The following MYOF variants were observed in gnomAD, a reference collection of about 807,000 sequenced individuals.
MYOF encodes the protein myoferlin, also known as fer-1-like 3, myoferlin.
Under a neutral mutation model 284.2 loss-of-function variants are expected in MYOF, and 244 were observed. That is an observed-to-expected ratio of 0.86 (90% confidence interval 0.77 to 0.95). The LOEUF is 0.95. Among genes scored for constraint, MYOF ranks in the 40% least tolerant of loss-of-function variants. The probability of loss-of-function intolerance (pLI) is 0.00; values close to 1 mark genes in which losing one functional copy is unlikely to be tolerated. For missense variants in MYOF, 2,496 were observed against 2,560.6 expected (o/e 0.97, Z 0.54); for synonymous variants, 904 against 919.7 (o/e 0.98, Z 0.31).
At chr10:93,465,528 T>TC (rs1554872991) in intron 1 of MYOF, among the ~76,000 whole-genome samples, 27 of 105,072 alleles carry the variant, frequency 2.6e-4, no homozygotes, top group African/African-American at 8.2e-4. Context: ...TTCTTTCTTT[T>TC]TTTTCTTTTC....
rs1256619015 is a variant in MYOF, at chr10:93,340,173, G to A, written c.4327-9C>T. 2 of 1,613,980 alleles carry A rather than the reference G, an allele frequency of 1.2e-6. No individual in the cohort carries two copies. Among genetic ancestry groups the A allele is most frequent in the South Asian group, 2.2e-5 (2 of 91,058 alleles). On this transcript the variant is annotated splice_polypyrimidine_tract_variant and intron_variant, in intron 38 of 53. Transcript: ENST00000359263. Reference sequence around the variant, plus strand: ...GTTACCTTTTCTGTCAGCTGCTCGTGCACATGTCCCGTGAGGAAGAGGGCA... The same window carrying A: ...GTTACCTTTTCTGTCAGCTGCTCGTACACATGTCCCGTGAGGAAGAGGGCA...
At chr10:93,420,056 C>A (rs759779180) in intron 5 of MYOF, among the ~76,000 whole-genome samples, 1 of 151,988 alleles carries the variant, frequency 6.6e-6, no homozygotes, top group Non-Finnish European at 1.5e-5. Flanking sequence ...TCCCTTGAAC[C>A]CAGGAGGTAG....
At chr10:93,379,540 G>A (rs116548892) in intron 21 of MYOF, among the ~76,000 whole-genome samples, 226 of 152,246 alleles carry the variant, frequency 1.5e-3, no homozygotes, top group African/African-American at 5.2e-3. Context: ...CAAGAGAAAG[G>A]CCTATGTCAT....
chr10:93,316,043 C>T (rs1041580687), intron 50 of MYOF, among the ~76,000 whole-genome samples: 6 of 151,790 alleles, frequency 4.0e-5, no homozygotes, highest in South Asian at 2.1e-4. Flanking sequence ...AAGGATTTCT[C>T]GAACCCAGGA....
chr10:93,353,707 A>G (rs1197412203), intron 32 of MYOF, 104 bp downstream of exon 32: 31 of 916,612 alleles, frequency 3.4e-5, no homozygotes, highest in Non-Finnish European at 4.8e-5. Context: ...CAACATGTAA[A>G]GGGTTTTTGT....
chr10:93,362,662 T>C (rs984331293), intron 27 of MYOF, among the ~76,000 whole-genome samples: 6 of 152,070 alleles, frequency 3.9e-5, no homozygotes, highest in Non-Finnish European at 8.8e-5. Context: ...AAGAGAGTTA[T>C]GAAAAGAAAG....
chr10:93,481,665 C>G lies in MYOF; in HGVS notation c.88+442G>C, dbSNP rs1022751203. Among the ~76,000 whole-genome samples the G allele has an allele frequency of 3.3e-5, 5 of 152,308 alleles. No homozygotes were observed. The East Asian group carries it at 9.6e-4, about 29-fold the overall frequency. Reference sequence around the variant, plus strand: ...CTTCACCCATCCCACCTCCCAGAAACCCAGTGACAATCAAAGCAGCGTCAG... The same window carrying G: ...CTTCACCCATCCCACCTCCCAGAAAGCCAGTGACAATCAAAGCAGCGTCAG... On this transcript the variant is annotated intron_variant, in intron 1 of 53. Transcript: ENST00000359263.
In MYOF at chr10:93,401,449, C is replaced by A; in HGVS notation, c.1086G>T (p.Leu362=). ...GIALRWVTFL[L]KIYRAEDIPQ... ...GGATGTCCTCAGCTCGGTAGATTTTCAGCAAGAAGGTCACCCACCGGAGGG... is the reference window on the plus strand; with the variant it reads ...GGATGTCCTCAGCTCGGTAGATTTTAAGCAAGAAGGTCACCCACCGGAGGG... Residue 362 remains leucine (L), a synonymous_variant, in exon 12 of 54, where the codon CTG becomes CTT. Transcript: ENST00000359263. 6.2e-7 allele frequency: 1 copy of A among 1,614,130 alleles called. No individual in the cohort carries two copies. Among genetic ancestry groups the A allele is most frequent in the Non-Finnish European group, 8.5e-7 (1 of 1,180,028 alleles).
chr10:93,364,941 T>G (rs1186521411), intron 26 of MYOF, among the ~76,000 whole-genome samples: 2 of 152,252 alleles, frequency 1.3e-5, no homozygotes, highest in Non-Finnish European at 2.9e-5. Flanking sequence ...CCCTGGCTGC[T>G]GCCTGTAGGA....
At chr10:93,359,138 T>C (rs1207922473) in intron 29 of MYOF, among the ~76,000 whole-genome samples, 2 of 152,002 alleles carry the variant, frequency 1.3e-5, no homozygotes, top group East Asian at 3.9e-4. Flanking sequence ...ATAGAGAGAG[T>C]TCCTGTTTGG....
rs970863506 is a variant in MYOF, at chr10:93,369,705, A to G, written c.2529T>C (p.Ser843=). ...ELRVNIWLGL[S]AVEKKFNSFA... ...AGCTGTTAAACTTCTTCTCCACAGC[A>G]CTTAAGCCTAGCCAGATGTTCACTC... Residue 843 remains serine, a synonymous_variant, in exon 25 of 54, where the codon AGT becomes AGC. Transcript: ENST00000359263. 2 of 1,614,256 alleles carry G rather than the reference A, an allele frequency of 1.2e-6. No individual in the cohort carries two copies. The highest frequency in any genetic ancestry group is 2.2e-5 in the South Asian group (2 of 91,088).
Position 93,359,828 on chromosome 10 carries a change from C to A in MYOF, c.3120+5G>T. 6.2e-7 allele frequency: 1 copy of A among 1,614,152 alleles called. No individual in the cohort carries two copies. Among genetic ancestry groups the A allele is most frequent in the Non-Finnish European group, 8.5e-7 (1 of 1,180,014 alleles). ...AGTCCAGCTCCCTTCCCTTGCTTCT[C>A]TTACCCTTGCGGTGCTTGAAGCAGT... is the stretch of plus-strand genomic sequence containing the variant. On this transcript the variant is annotated splice_donor_5th_base_variant and intron_variant, in intron 29 of 53. Transcript: ENST00000359263.
Position 93,482,180 on chromosome 10 carries a change from A to C in MYOF, c.15T>G (p.Ile5Met). 6.2e-7 allele frequency: 1 copy of C among 1,614,092 alleles called. No homozygotes were observed. MLRV[I>M]VESASNIPKT... The stretch of plus-strand genomic sequence containing the variant: ...TAGGGATATTGCTGGCAGATTCCAC[A>C]ATCACTCGCAGCATGGTTCTTAGCT... The change falls in exon 1 of 54, where the codon ATT (isoleucine) becomes ATG (methionine). Residue 5 changes from isoleucine (I) to methionine (M), a missense_variant. This residue lies in a region of MYOF where 57 missense variants were observed against 62.4 expected (regional missense o/e 0.91). Coordinates refer to ENST00000359263, the MANE Select transcript of MYOF (RefSeq NM_013451.4).
intron 1 of MYOF, among the ~76,000 whole-genome samples, chr10:93,461,295 C>T (rs984929717): frequency 1.3e-5 from 2 of 152,204 alleles, no homozygotes; most frequent in East Asian, 1.9e-4. Context: ...TCAGCTCCTT[C>T]ATTCTTCCAC....
chr10:93,328,958 T>C, intron 44 of MYOF, 47 bp from the exon 45 acceptor site: 2 of 1,556,834 alleles, frequency 1.3e-6, no homozygotes, highest in Non-Finnish European at 8.8e-7. Flanking sequence ...AGCCTGCAGG[T>C]TCTTCTCAGA....
At chr10:93,373,910 T>C (rs1482277499) in intron 23 of MYOF, among the ~76,000 whole-genome samples, 1 of 152,216 alleles carries the variant, frequency 6.6e-6, no homozygotes, top group Admixed American at 6.5e-5. Flanking sequence ...GTGCACAATG[T>C]GCAGGTTTGT....
At chr10:93,356,460 C>T (rs1844807659) in intron 30 of MYOF, among the ~76,000 whole-genome samples, 1 of 152,262 alleles carries the variant, frequency 6.6e-6, no homozygotes, top group Middle Eastern at 3.4e-3. Flanking sequence ...GTGTAGACAG[C>T]AGTATTTCTT....
intron 45 of MYOF, among the ~76,000 whole-genome samples, chr10:93,328,091 T>C (rs1170387113): frequency 6.6e-6 from 1 of 152,098 alleles, no homozygotes; most frequent in Admixed American, 6.6e-5. Flanking sequence ...TTTTTTACAA[T>C]GTCACGAATC....
At chr10:93,364,129 T>G (rs542383050) in intron 26 of MYOF, 54 bp from the exon 27 acceptor site, 1 of 1,491,816 alleles carries the variant, frequency 6.7e-7, no homozygotes, top group South Asian at 1.1e-5. Context: ...ACCGGCAGCC[T>G]CGGCGATTGC....
Sources: gnomAD v4.1 joint callset for allele counts (sites outside exome capture counted in the v4.1 genomes callset) on GRCh38, gnomAD v4.1.1 for gene constraint, gnomAD v4.1.1 regional missense constraint, MANE v1.5 for transcripts, NCBI Gene and HGNC (gene_info 2026-07-23, HGNC 2026-07-21) for gene names.